The following PITPNM2 variants were observed in gnomAD, a reference collection of about 807,000 sequenced individuals.
PITPNM2 encodes phosphatidylinositol transfer protein membrane associated 2, also known as membrane-associated phosphatidylinositol transfer protein 2.
PITPNM2 carries 35 observed loss-of-function variants against 132.2 expected under a neutral mutation model. That is an observed-to-expected ratio of 0.26 (90% CI 0.20 to 0.35). The LOEUF (loss-of-function observed/expected upper bound fraction) is 0.35, where lower values mean the gene tolerates loss of function less well. Among genes scored for constraint, PITPNM2 ranks in the 10% least tolerant of loss-of-function variants. The pLI is 1.00. For synonymous variants in PITPNM2, 738 were observed against 799.2 expected (o/e 0.92, Z 1.29); for missense variants, 1,332 against 1,912.0 (o/e 0.70, Z 5.66).
Position 123,134,479 on chromosome 12 carries a change from T to C in PITPNM2, c.-200+16274A>G, listed in dbSNP as rs12319324. Reference sequence around the variant, plus strand: ...CCCACAGGGTCCTGGACAAATGGGCTTCGCATGAGTCAGTGCCAGGAAGCC... The same window carrying C: ...CCCACAGGGTCCTGGACAAATGGGCCTCGCATGAGTCAGTGCCAGGAAGCC... On this transcript the variant is annotated intron_variant, in intron 1 of 25. Coordinates refer to ENST00000320201, the MANE Select transcript of PITPNM2 (RefSeq NM_020845.3). Among the ~76,000 whole-genome samples, 541 of 152,234 alleles carry C rather than the reference T, an allele frequency of 3.6e-3. 13 individuals are homozygous for C. Among genetic ancestry groups the C allele is most frequent in the Admixed American group, 0.031 (467 of 15,298 alleles).
At position 122,985,892 on chromosome 12, in the gene PITPNM2, C is replaced by T. The variant is rs901760405; in HGVS notation, c.*135G>A. ...GCAGGGCAGGGAGCACTGTGTGGTG[C>T]GGCCCGTGTCCTCCACAAGGCCCTG... is the stretch of plus-strand genomic sequence containing the variant. On this transcript the variant is annotated 3_prime_UTR_variant, in exon 26 of 26. Transcript: ENST00000320201. 9 of 813,770 alleles carry T rather than the reference C, an allele frequency of 1.1e-5. No individual in the cohort carries two copies. Among genetic ancestry groups the T allele is most frequent in the Admixed American group, 4.3e-5 (1 of 23,362 alleles). The allele number at this position is 813,770 out of a possible 1,614,324, so 50.4% of individuals were successfully genotyped here. A position where few individuals can be genotyped will look rare whatever the true frequency, so the allele number is the denominator to read the frequency against.
At chr12:123,018,833 G>A (rs547771326) in intron 3 of PITPNM2, among the ~76,000 whole-genome samples, 2 of 143,090 alleles carry the variant, frequency 1.4e-5, no homozygotes, top group East Asian at 4.0e-4. Flanking sequence ...TCCCAGGCTG[G>A]AGTGCAGTGG....
chr12:123,012,605 C>T lies in PITPNM2; in HGVS notation c.415+8G>A, dbSNP rs1214313672. On this transcript the variant is annotated splice_region_variant and intron_variant, in intron 5 of 25. Coordinates refer to ENST00000320201, the MANE Select transcript of PITPNM2 (RefSeq NM_020845.3). Reference sequence around the variant, plus strand: ...ACAGCCCTGTGGGGCTCTGCCCTTCCTGGTTACCGATTGTCAGCTGGTTCT... The same window carrying T: ...ACAGCCCTGTGGGGCTCTGCCCTTCTTGGTTACCGATTGTCAGCTGGTTCT... The T allele has an allele frequency of 6.2e-7, 1 of 1,613,960 alleles. No individual in the cohort carries two copies. The highest frequency in any genetic ancestry group is 1.7e-5 in the Admixed American group (1 of 60,026).
At chr12:123,029,227 T>C (rs1242577569) in intron 3 of PITPNM2, among the ~76,000 whole-genome samples, 3 of 152,230 alleles carry the variant, frequency 2.0e-5, no homozygotes, top group Non-Finnish European at 4.4e-5. Flanking sequence ...ACCCTGGCCC[T>C]GTGGACCTCA....
intron 2 of PITPNM2, among the ~76,000 whole-genome samples, chr12:123,093,341 T>G (rs59995499): frequency 0.05 from 7,603 of 152,234 alleles, 632 homozygotes; most frequent in African/African-American, 0.17. Flanking sequence ...TGTTCTAAAA[T>G]TAACTGTGGT....
At position 122,995,651 on chromosome 12, in the gene PITPNM2, G is replaced by T; in HGVS notation, c.1792C>A (p.Leu598Met). ...TTCATCAGGATGCCCGGGGACAGCAGGTCATTGTCCTGGAACGGCCCCGTG... is the reference window on the plus strand; with the variant it reads ...TTCATCAGGATGCCCGGGGACAGCATGTCATTGTCCTGGAACGGCCCCGTG... ...GSVVSMQDNDLLSPGILMNAA... is the reference protein window; with the variant it reads ...GSVVSMQDNDMLSPGILMNAA... Residue 598 changes from leucine to methionine, a missense_variant, in exon 14 of 26, where the codon CTG becomes ATG. Around this residue, in one of 6 missense-constraint regions of PITPNM2, gnomAD observed 710 missense variants for 911.5 expected, o/e 0.78. Coordinates refer to ENST00000320201, the MANE Select transcript of PITPNM2 (RefSeq NM_020845.3). 6.3e-7 allele frequency: 1 copy of T among 1,596,816 alleles called. No homozygotes were observed.
intron 1 of PITPNM2, among the ~76,000 whole-genome samples, chr12:123,139,067 G>A (rs2043442522): frequency 6.6e-6 from 1 of 151,992 alleles, no homozygotes; most frequent in South Asian, 2.1e-4. Context: ...GAGCCCAGGA[G>A]GTTGAGGTTG....
At position 122,994,000 on chromosome 12, in the gene PITPNM2, G is replaced by A. The variant is rs1454117889; in HGVS notation, c.2233+801C>T. 2.0e-5 allele frequency among the ~76,000 whole-genome samples: 3 copies of A among 152,046 alleles called. No individual in the cohort carries two copies. The highest frequency in any genetic ancestry group is 4.4e-5 in the Non-Finnish European group (3 of 68,002). ...GGCGATTCTCCTGCCTCAGGCTCCCGAGTAGCTGGGATTACAGGCATGTGC... is the reference window on the plus strand; with the variant it reads ...GGCGATTCTCCTGCCTCAGGCTCCCAAGTAGCTGGGATTACAGGCATGTGC... On this transcript the variant is annotated intron_variant, in intron 15 of 25. Transcript: ENST00000320201. The surrounding 1 kb of genome is among the most constrained non-coding windows in gnomAD (Gnocchi z 5.2).
At position 122,993,516 on chromosome 12, in the gene PITPNM2, C is replaced by T. The variant is rs915674545; in HGVS notation, c.2234-847G>A. On this transcript the variant is annotated intron_variant, in intron 15 of 25. Transcript: ENST00000320201. The surrounding 1 kb of genome is among the most constrained non-coding windows in gnomAD (Gnocchi z 5.2). ...AAAATGTTGGCGTCTTTCATGTCAG[C>T]ACGTCTAGTTTCTCCTTGCTCTTTT... Among the ~76,000 whole-genome samples the T allele has an allele frequency of 6.6e-6, 1 of 152,240 alleles. No homozygotes were observed. Among genetic ancestry groups the T allele is most frequent in the Non-Finnish European group, 1.5e-5 (1 of 68,048 alleles).
chr12:123,068,343 G>A (rs928274606), intron 2 of PITPNM2, among the ~76,000 whole-genome samples: 13 of 152,196 alleles, frequency 8.5e-5, no homozygotes, highest in African/African-American at 3.1e-4. Context: ...GGCTACTTGG[G>A]AGGCTGAGGC....
At chr12:123,040,779 C>T (rs1245724098) in intron 2 of PITPNM2, among the ~76,000 whole-genome samples, 3 of 151,782 alleles carry the variant, frequency 2.0e-5, no homozygotes, top group African/African-American at 7.3e-5. Context: ...TCACGTAGAA[C>T]ATGATACTTT....
intron 3 of PITPNM2, chr12:123,021,752 T>C (rs1171084799): frequency 2.1e-6 from 2 of 961,018 alleles, no homozygotes; most frequent in African/African-American, 3.5e-5. Flanking sequence ...AGAGCATAGT[T>C]TCTGTGGTTC....
chr12:122,990,172 C>T (rs368291752), intron 17 of PITPNM2, among the ~76,000 whole-genome samples: 276 of 152,378 alleles, frequency 1.8e-3, no homozygotes, highest in Middle Eastern at 6.8e-3. Context: ...TGGCCCAGCA[C>T]GGGGCGCAGC....
chr12:122,987,586 C>T lies in PITPNM2; in HGVS notation c.3188G>A (p.Ser1063Asn), dbSNP rs755001494. Residue 1063 changes from serine (S) to asparagine (N), a missense_variant, in exon 22 of 26, where the codon AGT (serine) becomes AAT (asparagine). By Grantham distance (46) the Ser-to-Asn change is conservative. Transcript: ENST00000320201. The part of the protein sequence containing the change: ...LYLDTLVTNN[S>N]GRVSYTIPES... The stretch of plus-strand genomic sequence containing the variant: ...AGGGATGGTGTAGGAGACACGCCCA[C>T]TGTTGTTGGTCACCAGCGTATCCAG... 6.2e-7 allele frequency: 1 copy of T among 1,613,866 alleles called. No homozygotes were observed. Among genetic ancestry groups the T allele is most frequent in the East Asian group, 2.2e-5 (1 of 44,898 alleles).
At position 122,989,866 on chromosome 12, in the gene PITPNM2, A is replaced by C; in HGVS notation, c.2652T>G (p.Pro884=). The C allele has an allele frequency of 6.8e-6, 2 of 295,926 alleles. No individual in the cohort carries two copies. The highest frequency in any genetic ancestry group is 9.8e-6 in the Non-Finnish European group (2 of 204,498). The allele number at this position is 295,926 out of a possible 1,614,324, so 18.3% of individuals were successfully genotyped here. ...LALPAPSPTT[P]GPHPPARKAS... The stretch of plus-strand genomic sequence containing the variant: ...CCTTCCTGGCTGGAGGGTGGGGGCC[A>C]GGGGTGGTGGGGCTGGGGGCGGGCA... The change falls in exon 18 of 26, where the codon CCT becomes CCG. Residue 884 remains proline (P), a synonymous_variant. Transcript: ENST00000320201.
At chr12:123,002,920 G>A (rs1804882055) in intron 8 of PITPNM2, among the ~76,000 whole-genome samples, 1 of 151,730 alleles carries the variant, frequency 6.6e-6, no homozygotes, top group African/African-American at 2.4e-5. Flanking sequence ...TTTATTTTTG[G>A]TATTGACAGG....
rs1264768904 is a variant in PITPNM2, at chr12:123,004,546, C to T, written c.953-57G>A. 2.5e-6 allele frequency: 4 copies of T among 1,574,842 alleles called. No individual in the cohort carries two copies. Among genetic ancestry groups the T allele is most frequent in the Non-Finnish European group, 3.5e-6 (4 of 1,147,644 alleles). Reference sequence around the variant, plus strand: ...CTGGAGAGGAAGGGCCCAGAGGCTGCCCTGAGCCGGCAGGAGGCAGGGAGG... The same window carrying T: ...CTGGAGAGGAAGGGCCCAGAGGCTGTCCTGAGCCGGCAGGAGGCAGGGAGG... On this transcript the variant is annotated intron_variant, in intron 7 of 25. Transcript: ENST00000320201. This position sits in a 1 kb window ranked among gnomAD's most constrained non-coding sequence, Gnocchi z 4.9.
rs1442812079 is a variant in PITPNM2 at position 123,083,932 on chromosome 12, G to A, written c.-96+26453C>T. The A allele has an allele frequency of 6.6e-6, 1 of 152,288 alleles. No individual in the cohort carries two copies. Among genetic ancestry groups the A allele is most frequent in the Non-Finnish European group, 1.5e-5 (1 of 68,080 alleles). The allele number at this position is 152,288 out of a possible 1,614,324, so 9.4% of individuals were successfully genotyped here. ...CCATTTTTCTGAGCTTAACAAGCTT[G>A]GTGAATTGAAATCAGGTGGACCACC... On this transcript the variant is annotated intron_variant, in intron 2 of 25. Coordinates refer to ENST00000320201, the MANE Select transcript of PITPNM2 (RefSeq NM_020845.3). The surrounding 1 kb of genome is among the most constrained non-coding windows in gnomAD (Gnocchi z 4.5).
At chr12:123,030,184 A>G (rs2040031403) in intron 3 of PITPNM2, among the ~76,000 whole-genome samples, 1 of 152,210 alleles carries the variant, frequency 6.6e-6, no homozygotes, top group African/African-American at 2.4e-5. Flanking sequence ...CTTCTGTTTC[A>G]AAACATACTC....
Sources: allele counts gnomAD v4.1 joint callset (sites outside exome capture counted in the v4.1 genomes callset), GRCh38; gene constraint gnomAD v4.1.1; regional missense constraint gnomAD v4.1.1; non-coding constraint Gnocchi (gnomAD v3.1); transcripts MANE v1.5; gene names NCBI Gene and HGNC (gene_info 2026-07-23, HGNC 2026-07-21).